The following CD47 variants were observed in gnomAD, a reference collection of about 807,000 sequenced individuals.
CD47 encodes the protein leukocyte surface antigen CD47.
In CD47, 11 loss-of-function variants were observed where a neutral mutation model predicts 44.6. The ratio of observed to expected loss-of-function variants is 0.25; its 90% CI spans 0.16 to 0.41. The LOEUF (loss-of-function observed/expected upper bound fraction) is 0.41, where lower values mean the gene tolerates loss of function less well. CD47 is among the 10% of genes least tolerant of loss of function. The pLI, the probability that CD47 is intolerant of heterozygous loss-of-function variation, is 1.00. For synonymous variants in CD47, 140 were observed against 136.3 expected (o/e 1.03, Z -0.19); for missense variants, 306 against 386.7 (o/e 0.79, Z 1.75).
chr3:108,074,297 A>G (rs2079263454), intron 2 of CD47, among the ~76,000 whole-genome samples: 1 of 152,126 alleles, frequency 6.6e-6, no homozygotes. Context: ...CAGAACAAAA[A>G]ATACTGTCTA....
chr3:108,068,945 A>T (rs1313931294), intron 3 of CD47, among the ~76,000 whole-genome samples: 9 of 152,228 alleles, frequency 5.9e-5, no homozygotes, highest in Non-Finnish European at 1.3e-4. Flanking sequence ...TTAGGTTTAT[A>T]AGCACGTTCC....
intron 2 of CD47, among the ~76,000 whole-genome samples, chr3:108,073,020 TCA>T (rs2079237076): frequency 7.1e-6 from 1 of 140,728 alleles, no homozygotes; most frequent in Non-Finnish European, 1.5e-5. Context: ...ACTCCCCCTC[TCA>T]TTTTCCTCAT....
chr3:108,060,701 C>T (rs1382895399), intron 4 of CD47, 44 bp downstream of exon 4: 4 of 1,282,402 alleles, frequency 3.1e-6, no homozygotes, highest in East Asian at 2.3e-5. Context: ...TTGGAATGCA[C>T]TCATCTACCT....
At chr3:108,085,861 G>A (rs763631738) in intron 1 of CD47, among the ~76,000 whole-genome samples, 1 of 152,138 alleles carries the variant, frequency 6.6e-6, no homozygotes, top group Non-Finnish European at 1.5e-5. Flanking sequence ...AAGAGAACCT[G>A]CCACTGCTTC....
chr3:108,080,274 A>T lies in CD47; in HGVS notation c.117T>A (p.Ile39=), dbSNP rs775821684. The T allele has an allele frequency of 1.9e-6, 3 of 1,612,272 alleles. No homozygotes were observed. The highest frequency in any genetic ancestry group is 2.5e-6 in the Non-Finnish European group (3 of 1,178,592). The change falls in exon 2 of 11, where the codon ATT becomes ATA. Residue 39 remains isoleucine (I), a synonymous_variant. Transcript: ENST00000361309. ...CCTCCATATTAGTAACAAAGCATGG[A>T]ATGACGACAGTGTCATTACAAAACG... The part of the protein sequence containing the change: ...EFTFCNDTVV[I]PCFVTNMEAQ...
chr3:108,055,642 G>T, intron 7 of CD47: 1 of 799,054 alleles, frequency 1.3e-6, no homozygotes, highest in Non-Finnish European at 1.9e-6. Flanking sequence ...CAATAAAATT[G>T]CACTAAATTT....
intron 8 of CD47, chr3:108,051,631 GAT>G: frequency 2.0e-6 from 1 of 506,876 alleles, no homozygotes; most frequent in South Asian, 1.5e-5. Context: ...CAGGTGAGGT[GAT>G]ATATTGGAAT....
chr3:108,064,001 T>C (rs189329895), intron 3 of CD47, among the ~76,000 whole-genome samples: 10 of 152,350 alleles, frequency 6.6e-5, no homozygotes, highest in Admixed American at 6.5e-4. Context: ...ATAAAATAAT[T>C]AGTAACCAAA....
chr3:108,085,699 T>G (rs1220092801), intron 1 of CD47, among the ~76,000 whole-genome samples: 1 of 152,190 alleles, frequency 6.6e-6, no homozygotes, highest in African/African-American at 2.4e-5. Context: ...AGTAAGACAC[T>G]GTCTTCATTT....
At position 108,051,781 on chromosome 3, in the gene CD47, T is replaced by C. The variant is rs1473313081; in HGVS notation, c.909+158A>G. 4 of 707,118 alleles carry C rather than the reference T, an allele frequency of 5.7e-6. No individual in the cohort carries two copies. The Admixed American group carries it at 7.1e-5, about 13-fold the overall frequency. 43.8% of individuals were successfully genotyped at this position (707,118 alleles called of 1,614,324 possible). On this transcript the variant is annotated intron_variant, in intron 8 of 10. Coordinates refer to ENST00000361309, the MANE Select transcript of CD47 (RefSeq NM_001777.4). ...AAATGACCAAACACAGGTTTTAAAATAGAACTGGACCCATTCATGCAAAGG... is the reference window on the plus strand; with the variant it reads ...AAATGACCAAACACAGGTTTTAAAACAGAACTGGACCCATTCATGCAAAGG...
chr3:108,078,926 G>T (rs2079361977), intron 2 of CD47, among the ~76,000 whole-genome samples: 1 of 152,070 alleles, frequency 6.6e-6, no homozygotes, highest in Admixed American at 6.6e-5. Flanking sequence ...CGGACATGAG[G>T]TAACTTGGAC....
rs140419698 is a variant in CD47, at chr3:108,072,841, A to C, written c.401-1659T>G. ...TACTTCCCCTGTGCTTTTGTTTTTA[A>C]TTGTGTACCTCAACTCCTCAAATCC... On this transcript the variant is annotated intron_variant, in intron 2 of 10. Coordinates refer to ENST00000361309, the MANE Select transcript of CD47 (RefSeq NM_001777.4). Among the ~76,000 whole-genome samples the C allele has an allele frequency of 1.8e-3, 280 of 152,198 alleles. 1 individual carries two copies. Among genetic ancestry groups the C allele is most frequent in the African/African-American group, 6.4e-3 (265 of 41,504 alleles).
rs1264456622 is a variant in CD47, at chr3:108,043,098, GA to G, written c.*4189del. 6.6e-6 allele frequency: 1 copy of G among 152,310 alleles called. No individual in the cohort carries two copies. The highest frequency in any genetic ancestry group is 1.5e-5 in the Non-Finnish European group (1 of 68,024). 9.4% of individuals were successfully genotyped at this position (152,310 alleles called of 1,614,324 possible). ...AAATAATTATGAAACACATTGGACT[GA>G]TTTAAAACTTTTAATTAAAACTCTG... On this transcript the variant is annotated 3_prime_UTR_variant, in exon 11 of 11. Coordinates refer to ENST00000361309, the MANE Select transcript of CD47 (RefSeq NM_001777.4).
At chr3:108,074,315 C>CT (rs869285842) in intron 2 of CD47, among the ~76,000 whole-genome samples, 23 of 148,956 alleles carry the variant, frequency 1.5e-4, no homozygotes, top group East Asian at 5.9e-4. Context: ...CTAAGTGATT[C>CT]TTTTTTTTTT....
Position 108,045,040 on chromosome 3 carries a change from C to G in CD47, c.*2248G>C, listed in dbSNP as rs2078701051. ...CAATGATGCCCAAGCAGGAGGACTC[C>G]TGCTTCTGTGGTCACTTATCCAGAG... On this transcript the variant is annotated 3_prime_UTR_variant, in exon 11 of 11. Coordinates refer to ENST00000361309, the MANE Select transcript of CD47 (RefSeq NM_001777.4). 1 of 152,610 alleles carries G rather than the reference C, an allele frequency of 6.6e-6. No homozygotes were observed. Among genetic ancestry groups the G allele is most frequent in the South Asian group, 2.1e-4 (1 of 4,832 alleles). The allele number at this position is 152,610 out of a possible 1,614,324, so 9.5% of individuals were successfully genotyped here.
At chr3:108,089,310 G>T (rs1453208001) in intron 1 of CD47, among the ~76,000 whole-genome samples, 1 of 152,032 alleles carries the variant, frequency 6.6e-6, no homozygotes, top group Non-Finnish European at 1.5e-5. Flanking sequence ...GTGTGTAAAC[G>T]AGTGCTAATT....
Position 108,044,587 on chromosome 3 carries a change from TGAAA to T in CD47, c.*2697_*2700del, listed in dbSNP as rs1262536041. 6.6e-6 allele frequency: 1 copy of T among 151,442 alleles called. No homozygotes were observed. The highest frequency in any genetic ancestry group is 2.0e-4 in the East Asian group (1 of 5,114). 9.4% of individuals were successfully genotyped at this position (151,442 alleles called of 1,614,324 possible). A position where few individuals can be genotyped will look rare whatever the true frequency, so the allele number is the denominator to read the frequency against. ...TGCAAAACACTGCAGGAAGAGAGAA[TGAAA>T]GAAAGAAAAGCTCTAGCTATAGAAG... On this transcript the variant is annotated 3_prime_UTR_variant, in exon 11 of 11. Transcript: ENST00000361309.
At position 108,055,427 on chromosome 3, in the gene CD47, T is replaced by C. The variant is rs1012015868; in HGVS notation, c.877+2050A>G. On this transcript the variant is annotated intron_variant, in intron 7 of 10. Coordinates refer to ENST00000361309, the MANE Select transcript of CD47 (RefSeq NM_001777.4). Reference sequence around the variant, plus strand: ...TCAAATTTGCAACCTTAATGTTACATAGATTCAGATTTACACAGTCAGATT... The same window carrying C: ...TCAAATTTGCAACCTTAATGTTACACAGATTCAGATTTACACAGTCAGATT... 5.3e-5 allele frequency: 36 copies of C among 674,714 alleles called. No homozygotes were observed. In the South Asian group the frequency reaches 5.8e-4, roughly 11 times the overall value. The allele number at this position is 674,714 out of a possible 1,614,324, so 41.8% of individuals were successfully genotyped here.
chr3:108,070,263 T>G (rs2079176367), intron 3 of CD47, among the ~76,000 whole-genome samples: 1 of 152,204 alleles, frequency 6.6e-6, no homozygotes, highest in East Asian at 1.9e-4. Context: ...TAAGCAGTAT[T>G]TATTCCTTGC....
Sources: allele counts gnomAD v4.1 joint callset (sites outside exome capture counted in the v4.1 genomes callset), GRCh38; gene constraint gnomAD v4.1.1; transcripts MANE v1.5; gene names NCBI Gene and HGNC (gene_info 2026-07-23, HGNC 2026-07-21).